RTN4RL1: variants seen among roughly 807,000 people sequenced by gnomAD.
The protein encoded by RTN4RL1 is reticulon-4 receptor-like 1.
In RTN4RL1, 7 loss-of-function variants were observed where a neutral mutation model predicts 25.6. The observed-to-expected ratio is 0.27, with a 90% CI of 0.16 to 0.51. The LOEUF is 0.51. Among genes scored for constraint, RTN4RL1 ranks in the 20% least tolerant of loss-of-function variants. The probability of loss-of-function intolerance (pLI) is 0.97; values close to 1 mark genes in which losing one functional copy is unlikely to be tolerated. For synonymous variants in RTN4RL1, 297 were observed against 288.2 expected, an observed-to-expected ratio of 1.03 and a Z score of -0.31; for missense variants, 500 against 615.6, an observed-to-expected ratio of 0.81 and a Z score of 1.99.
intron 1 of RTN4RL1, among the ~76,000 whole-genome samples, chr17:2,007,895 G>A (rs1351886147): frequency 1.3e-5 from 2 of 151,910 alleles, no homozygotes; most frequent in African/African-American, 2.4e-5. Flanking sequence ...GCAGTGAGCC[G>A]AGATTGCGCC....
At chr17:1,946,741 AC>A (rs1337442942) in intron 1 of RTN4RL1, among the ~76,000 whole-genome samples, 2 of 131,198 alleles carry the variant, frequency 1.5e-5, no homozygotes, top group Non-Finnish European at 3.2e-5. Context: ...ATGTGTGTGC[AC>A]GGGGTCTGTG....
chr17:1,984,605 T>C lies in RTN4RL1; in HGVS notation c.13+40248A>G, dbSNP rs966275255. 5.3e-5 allele frequency among the ~76,000 whole-genome samples: 8 copies of C among 152,174 alleles called. No homozygotes were observed. In the South Asian group the frequency reaches 8.3e-4, roughly 16 times the overall value. On this transcript the variant is annotated intron_variant, in intron 1 of 1. Transcript: ENST00000331238. ...AGATGTTCTCAAACTTCCTCCCAAC[T>C]TGAGAATTCTGATCCTTTCTGCGAC...
At chr17:1,947,796 G>A (rs984379733) in intron 1 of RTN4RL1, among the ~76,000 whole-genome samples, 19 of 152,172 alleles carry the variant, frequency 1.2e-4, no homozygotes, top group African/African-American at 4.1e-4. Flanking sequence ...TGACAGCTCT[G>A]GACCCACGTA....
At chr17:2,022,890 C>G (rs1015270643) in intron 1 of RTN4RL1, among the ~76,000 whole-genome samples, 1 of 152,200 alleles carries the variant, frequency 6.6e-6, no homozygotes. Context: ...GTGGCCGCCT[C>G]TTGTGCAGGG....
Position 1,935,953 on chromosome 17 carries a change from A to T in RTN4RL1, c.*543T>A, listed in dbSNP as rs11868677. 4.3e-4 allele frequency: 424 copies of T among 985,272 alleles called. 1 individual carries two copies. Among genetic ancestry groups the T allele is most frequent in the South Asian group, 6.1e-4 (13 of 21,254 alleles). The allele number at this position is 985,272 out of a possible 1,614,324, so 61.0% of individuals were successfully genotyped here. ...TCAGGAATGAGAGGCGCTACCCCCGAGGGAGGGGCTGAAGGTGGAGTAGGA... is the reference window on the plus strand; with the variant it reads ...TCAGGAATGAGAGGCGCTACCCCCGTGGGAGGGGCTGAAGGTGGAGTAGGA... On this transcript the variant is annotated 3_prime_UTR_variant, in exon 2 of 2. Coordinates refer to ENST00000331238, the MANE Select transcript of RTN4RL1 (RefSeq NM_178568.4).
At position 1,936,964 on chromosome 17, in the gene RTN4RL1, C is replaced by G. The variant is rs757699499; in HGVS notation, c.858G>C (p.Gly286=). 8.1e-6 allele frequency: 13 copies of G among 1,608,152 alleles called. No homozygotes were observed. The Admixed American group carries it at 8.4e-5, about 10-fold the overall frequency. Residue 286 remains glycine (G), a synonymous_variant, in exon 2 of 2, where the codon GGG becomes GGC. Transcript: ENST00000331238. ...GCTTCAGGTCCTGGCCGTGCCGCAG[C>G]CCAGGGGACACACAGGGGACAGCGG... is the stretch of plus-strand genomic sequence containing the variant. The part of the protein sequence containing the change: ...SSSAVPCVSP[G]LRHGQDLKLL...
At position 1,935,411 on chromosome 17, in the gene RTN4RL1, G is replaced by T; in HGVS notation, c.*1085C>A. The T allele has an allele frequency of 3.0e-6, 1 of 328,080 alleles. No homozygotes were observed. Among genetic ancestry groups the T allele is most frequent in the Non-Finnish European group, 4.4e-6 (1 of 228,796 alleles). 20.3% of individuals were successfully genotyped at this position (328,080 alleles called of 1,614,324 possible). ...CCAGGGTGGCAGACAGGCTTGTGTT[G>T]CATATAAAAACAAGGTGATGCTCTA... On this transcript the variant is annotated 3_prime_UTR_variant, in exon 2 of 2. Transcript: ENST00000331238.
rs1322275162 is a variant in RTN4RL1, at chr17:2,010,194, C to T, written c.13+14659G>A. ...TTGTTTAGCCAGGCGCGGTAGCTCA[C>T]GCCTATAATCCCAGCACTTTGGGAG... On this transcript the variant is annotated intron_variant, in intron 1 of 1. Coordinates refer to ENST00000331238, the MANE Select transcript of RTN4RL1 (RefSeq NM_178568.4). Among the ~76,000 whole-genome samples the T allele has an allele frequency of 2.3e-5, 3 of 128,426 alleles. 1 individual carries two copies. The highest frequency in any genetic ancestry group is 4.9e-5 in the Non-Finnish European group (3 of 61,052). The allele number at this position is 128,426 out of a possible 152,430, so 84.3% of individuals were successfully genotyped here. A position where few individuals can be genotyped will look rare whatever the true frequency, so the allele number is the denominator to read the frequency against.
intron 1 of RTN4RL1, among the ~76,000 whole-genome samples, chr17:2,021,854 C>CTTTTTTT (rs869227846): frequency 1.1e-5 from 1 of 88,352 alleles, no homozygotes; most frequent in East Asian, 3.7e-4. Flanking sequence ...TGTGCCCGGT[C>CTTTTTTT]TTTTTTTTTT....
At chr17:2,001,102 G>T (rs1393209158) in intron 1 of RTN4RL1, among the ~76,000 whole-genome samples, 1 of 151,310 alleles carries the variant, frequency 6.6e-6, no homozygotes, top group Non-Finnish European at 1.5e-5. Context: ...GCCCAGGCTG[G>T]CATTGAACTC....
At chr17:1,969,350 C>T (rs1164844778) in intron 1 of RTN4RL1, among the ~76,000 whole-genome samples, 1 of 152,104 alleles carries the variant, frequency 6.6e-6, no homozygotes, top group East Asian at 1.9e-4. Context: ...AGCCACCATG[C>T]CCGGCCCGGA....
chr17:1,994,659 C>T lies in RTN4RL1; in HGVS notation c.13+30194G>A, dbSNP rs543409807. On this transcript the variant is annotated intron_variant, in intron 1 of 1. Coordinates refer to ENST00000331238, the MANE Select transcript of RTN4RL1 (RefSeq NM_178568.4). This position sits in a 1 kb window ranked among gnomAD's most constrained non-coding sequence, Gnocchi z 4.3. ...CAGGCCTGGATTCCAATCCCAGCTCCGCCACTGACAGGCCCGGTGACCTCG... is the reference window on the plus strand; with the variant it reads ...CAGGCCTGGATTCCAATCCCAGCTCTGCCACTGACAGGCCCGGTGACCTCG... 1.1e-4 allele frequency among the ~76,000 whole-genome samples: 16 copies of T among 152,234 alleles called. No homozygotes were observed. The highest frequency in any genetic ancestry group is 3.6e-4 in the African/African-American group (15 of 41,532).
chr17:1,989,693 C>T (rs767638988), intron 1 of RTN4RL1, among the ~76,000 whole-genome samples: 1 of 152,164 alleles, frequency 6.6e-6, no homozygotes. Context: ...TCTGCCTCAG[C>T]CTCCCGAGTA....
chr17:1,978,679 G>A (rs112708226), intron 1 of RTN4RL1, among the ~76,000 whole-genome samples: 2 of 152,202 alleles, frequency 1.3e-5, no homozygotes, highest in African/African-American at 4.8e-5. Flanking sequence ...GTGAGGTAGT[G>A]CGCACGGAGC....
intron 1 of RTN4RL1, among the ~76,000 whole-genome samples, chr17:1,967,566 C>G (rs74598242): frequency 2.2e-3 from 335 of 152,274 alleles, no homozygotes; most frequent in African/African-American, 6.8e-3. Flanking sequence ...GAGCCCTACA[C>G]CTGGAATTCT....
chr17:1,945,511 C>T (rs4790294), intron 1 of RTN4RL1, among the ~76,000 whole-genome samples: 28,700 of 152,010 alleles, frequency 0.19, 2,779 homozygotes, highest in Admixed American at 0.2. Flanking sequence ...TGAGCCACTG[C>T]GCCCAGTCTT....
chr17:1,979,419 A>G (rs145449737), intron 1 of RTN4RL1, among the ~76,000 whole-genome samples: 2,168 of 148,794 alleles, frequency 0.015, 48 homozygotes, highest in African/African-American at 0.051. Context: ...CAAGGCTGCA[A>G]TGAGCTATGC....
intron 1 of RTN4RL1, among the ~76,000 whole-genome samples, chr17:1,954,730 C>A (rs898433891): frequency 9.2e-5 from 14 of 152,296 alleles, no homozygotes; most frequent in African/African-American, 3.4e-4. Flanking sequence ...CGCAGCACTG[C>A]TGCGCGTCCA....
At chr17:1,956,328 G>A (rs558167375) in intron 1 of RTN4RL1, among the ~76,000 whole-genome samples, 1 of 152,050 alleles carries the variant, frequency 6.6e-6, no homozygotes, top group Non-Finnish European at 1.5e-5. Flanking sequence ...TGAGAACTGC[G>A]GGGTTTCCCT....
Sources: gnomAD v4.1 joint callset for allele counts (sites outside exome capture counted in the v4.1 genomes callset) on GRCh38, gnomAD v4.1.1 for gene constraint, Gnocchi (gnomAD v3.1) non-coding constraint, MANE v1.5 for transcripts, NCBI Gene and HGNC (gene_info 2026-07-23, HGNC 2026-07-21) for gene names.